Variants in STK3 observed in about 807,000 individuals in gnomAD.
STK3 encodes serine/threonine-protein kinase 3.
In STK3, 41 loss-of-function variants were observed where a neutral mutation model predicts 58.0. The observed-to-expected ratio is 0.71, with a 90% CI of 0.55 to 0.92. The LOEUF (loss-of-function observed/expected upper bound fraction) is 0.92, where lower values mean the gene tolerates loss of function less well. Among genes scored for constraint, STK3 ranks in the 40% least tolerant of loss-of-function variants. The pLI is 0.00. For synonymous variants in STK3, 170 were observed against 191.0 expected (o/e 0.89, Z 0.91); for missense variants, 479 against 602.7 (o/e 0.79, Z 2.15).
intron 10 of STK3, among the ~76,000 whole-genome samples, chr8:98,496,057 A>G (rs767791780): frequency 2.6e-5 from 4 of 152,152 alleles, no homozygotes; most frequent in Non-Finnish European, 5.9e-5. Context: ...AATGCTGAAT[A>G]GTTATTGGTT....
chr8:98,549,105 G>C (rs891012177), intron 8 of STK3, among the ~76,000 whole-genome samples: 1 of 152,100 alleles, frequency 6.6e-6, no homozygotes, highest in African/African-American at 2.4e-5. Flanking sequence ...CCTATTTTCA[G>C]TTTGGTTGGG....
At chr8:98,680,134 T>C (rs1723952318) in intron 6 of STK3, among the ~76,000 whole-genome samples, 1 of 152,208 alleles carries the variant, frequency 6.6e-6, no homozygotes, top group African/African-American at 2.4e-5. Flanking sequence ...AATATCATAC[T>C]ACTATGCACC....
At chr8:98,785,221 C>A (rs181899317) in intron 1 of STK3, among the ~76,000 whole-genome samples, 5 of 152,150 alleles carry the variant, frequency 3.3e-5, no homozygotes, top group Non-Finnish European at 5.9e-5. Flanking sequence ...ATTCAGAGCA[C>A]CTGCTTGCCT....
chr8:98,872,713 A>G (rs969380766), intron 3 of STK3, among the ~76,000 whole-genome samples: 2 of 152,078 alleles, frequency 1.3e-5, no homozygotes, highest in East Asian at 1.9e-4. Context: ...TATTGCGTCT[A>G]TCTGATTCTT....
At position 98,786,530 on chromosome 8, in the gene STK3, G is replaced by T. The variant is rs373110266; in HGVS notation, c.27-11711C>A. Among the ~76,000 whole-genome samples the T allele has an allele frequency of 1.1e-4, 16 of 151,752 alleles. No individual in the cohort carries two copies. The East Asian group carries it at 2.7e-3, about 26-fold the overall frequency. On this transcript the variant is annotated intron_variant, in intron 1 of 10. Transcript: ENST00000419617. ...ATCACTGCAAAACAGATGAACAAAAGGAAAAAAGAAGAAAGGAATGAAAGC... is the reference window on the plus strand; with the variant it reads ...ATCACTGCAAAACAGATGAACAAAATGAAAAAAGAAGAAAGGAATGAAAGC...
At chr8:98,572,857 T>A (rs534147571) in intron 8 of STK3, among the ~76,000 whole-genome samples, 1 of 152,290 alleles carries the variant, frequency 6.6e-6, no homozygotes, top group East Asian at 1.9e-4. Flanking sequence ...TTTCTTATAA[T>A]TTCAGTAAAA....
chr8:98,442,628 T>G (rs1818739241), intron 1 of STK3, among the ~76,000 whole-genome samples: 1 of 152,252 alleles, frequency 6.6e-6, no homozygotes, highest in Non-Finnish European at 1.5e-5. Context: ...GTGTTGCGGC[T>G]TAGCAGCATT....
At chr8:98,756,548 T>G (rs1830298486) in intron 3 of STK3, among the ~76,000 whole-genome samples, 1 of 152,202 alleles carries the variant, frequency 6.6e-6, no homozygotes, top group African/African-American at 2.4e-5. Flanking sequence ...TAACATGATG[T>G]AAAGTTTCTG....
chr8:98,445,185 C>G (rs1213529006), intron 1 of STK3, among the ~76,000 whole-genome samples: 4 of 152,260 alleles, frequency 2.6e-5, no homozygotes, highest in African/African-American at 9.6e-5. Flanking sequence ...TTCATCACCT[C>G]CCCCAAAAAT....
At chr8:98,552,004 T>C (rs1811209342) in intron 8 of STK3, among the ~76,000 whole-genome samples, 1 of 152,260 alleles carries the variant, frequency 6.6e-6, no homozygotes, top group African/African-American at 2.4e-5. Flanking sequence ...AAAGTAGGTC[T>C]GGGACTAAGA....
intron 6 of STK3, among the ~76,000 whole-genome samples, chr8:98,654,180 T>C (rs906296936): frequency 6.6e-6 from 1 of 152,164 alleles, no homozygotes; most frequent in Non-Finnish European, 1.5e-5. Context: ...TGGTTCGATA[T>C]ACAGAAATCA....
chr8:98,428,817 G>A lies in STK3; in HGVS notation n.483+5310C>T. On this transcript the variant is annotated intron_variant and non_coding_transcript_variant, in intron 3 of 3. Coordinates refer to the STK3 transcript ENST00000517832. This position sits in a 1 kb window ranked among gnomAD's most constrained non-coding sequence, Gnocchi z 6.7. ...TTACATCACTCTGGTGGTGAACCTGGTGGTGGAGAGCACACCTACTTTAGC... is the reference window on the plus strand; with the variant it reads ...TTACATCACTCTGGTGGTGAACCTGATGGTGGAGAGCACACCTACTTTAGC... 2 of 1,614,182 alleles carry A rather than the reference G, an allele frequency of 1.2e-6. No homozygotes were observed. Among genetic ancestry groups the A allele is most frequent in the South Asian group, 1.1e-5 (1 of 91,072 alleles).
intron 1 of STK3, chr8:98,904,613 C>G (rs1838815351): frequency 1.7e-6 from 1 of 592,602 alleles, no homozygotes; most frequent in African/African-American, 1.9e-5. Flanking sequence ...GGCTGAGTAC[C>G]AGGCTCGGTC....
At chr8:98,849,243 A>G (rs1564059485) in intron 3 of STK3, among the ~76,000 whole-genome samples, 1 of 148,980 alleles carries the variant, frequency 6.7e-6, no homozygotes, top group Non-Finnish European at 1.5e-5. Flanking sequence ...AAAAAAAAAA[A>G]GAAATTCTTA....
At position 98,567,877 on chromosome 8, in the gene STK3, G is replaced by A. The variant is rs180929049; in HGVS notation, c.948+11787C>T. ...GTTCAAGACCTGTCTGGCCAACATG[G>A]TGAAACTCTGTCACTACTAAGAGTA... On this transcript the variant is annotated intron_variant, in intron 8 of 10. Transcript: ENST00000419617. Among the ~76,000 whole-genome samples the A allele has an allele frequency of 5.5e-3, 835 of 152,154 alleles. 9 individuals carry two copies. Among genetic ancestry groups the A allele is most frequent in the African/African-American group, 0.019 (806 of 41,516 alleles).
chr8:98,732,165 G>A (rs577132887), intron 4 of STK3, among the ~76,000 whole-genome samples: 31 of 151,822 alleles, frequency 2.0e-4, no homozygotes, highest in African/African-American at 2.4e-4. Flanking sequence ...AAAAAGAGAC[G>A]GATAATCTAA....
intron 7 of STK3, among the ~76,000 whole-genome samples, chr8:98,589,370 G>A (rs1483214233): frequency 6.6e-6 from 1 of 152,252 alleles, no homozygotes; most frequent in Admixed American, 6.5e-5. Flanking sequence ...TGAGGTGTCA[G>A]TGTGCCCCTG....
chr8:98,510,040 G>T (rs1037500366), intron 10 of STK3, among the ~76,000 whole-genome samples: 30 of 152,038 alleles, frequency 2.0e-4, no homozygotes, highest in African/African-American at 7.2e-4. Flanking sequence ...GTTTAAAAAA[G>T]AAAAGTTCTA....
chr8:98,377,158 T>C (rs183200417), intron 2 of STK3, among the ~76,000 whole-genome samples: 267 of 152,194 alleles, frequency 1.8e-3, no homozygotes, highest in African/African-American at 6.1e-3. Flanking sequence ...AGCAATCAAT[T>C]CCCCTTAACC....
Sources: gnomAD v4.1 joint callset for allele counts (sites outside exome capture counted in the v4.1 genomes callset) on GRCh38, gnomAD v4.1.1 for gene constraint, Gnocchi (gnomAD v3.1) non-coding constraint, MANE v1.5 for transcripts, NCBI Gene and HGNC (gene_info 2026-07-23, HGNC 2026-07-21) for gene names.